Variants in MACROD2 observed in about 807,000 individuals in gnomAD.
MACROD2 encodes the protein ADP-ribose glycohydrolase MACROD2.
Under a neutral mutation model 70.4 loss-of-function variants are expected in MACROD2, and 36 were observed. The observed-to-expected ratio is 0.51, with a 90% CI of 0.39 to 0.68. The LOEUF is 0.68. Ranked by LOEUF, MACROD2 falls within the 30% of genes least tolerant of loss-of-function variation. MACROD2 has a pLI of 0.00. For missense variants in MACROD2, 496 were observed against 538.4 expected (o/e 0.92, Z 0.78); for synonymous variants, 172 against 178.8 (o/e 0.96, Z 0.30).
intron 4 of MACROD2, among the ~76,000 whole-genome samples, chr20:14,667,414 G>T (rs1051752167): frequency 6.6e-6 from 1 of 152,170 alleles, no homozygotes; most frequent in East Asian, 1.9e-4. Flanking sequence ...TTCTTGCCAA[G>T]TGTTACATTA....
chr20:14,046,585 C>T (rs2053478422), intron 2 of MACROD2, among the ~76,000 whole-genome samples: 1 of 152,010 alleles, frequency 6.6e-6, no homozygotes, highest in Non-Finnish European at 1.5e-5. Flanking sequence ...CTCTTTTGAC[C>T]ATGATATAAC....
At chr20:14,663,903 T>C (rs997332260) in intron 4 of MACROD2, among the ~76,000 whole-genome samples, 3 of 152,030 alleles carry the variant, frequency 2.0e-5, no homozygotes, top group Non-Finnish European at 4.4e-5. Flanking sequence ...GAAGAATTGT[T>C]TTCTCCTTAC....
At chr20:15,403,048 C>T (rs1208880612) in intron 6 of MACROD2, among the ~76,000 whole-genome samples, 1 of 151,838 alleles carries the variant, frequency 6.6e-6, no homozygotes, top group African/African-American at 2.4e-5. Context: ...CTCATTGCAA[C>T]CTCCACCTCC....
chr20:15,090,973 G>A (rs1177662392), intron 5 of MACROD2, among the ~76,000 whole-genome samples: 1 of 151,936 alleles, frequency 6.6e-6, no homozygotes, highest in African/African-American at 2.4e-5. Context: ...CCTAGACCTA[G>A]CATAATGAAG....
At chr20:16,011,249 C>G (rs910945422) in intron 15 of MACROD2, among the ~76,000 whole-genome samples, 1 of 152,208 alleles carries the variant, frequency 6.6e-6, no homozygotes, top group African/African-American at 2.4e-5. Context: ...GCTGTCAGCA[C>G]TCACTGACGG....
intron 5 of MACROD2, among the ~76,000 whole-genome samples, chr20:15,155,883 G>A (rs2076303694): frequency 1.3e-5 from 2 of 151,902 alleles, no homozygotes; most frequent in South Asian, 4.1e-4. Flanking sequence ...TGACCCAATG[G>A]CTTTTAGTGT....
chr20:14,790,169 A>C (rs1175574325), intron 5 of MACROD2, among the ~76,000 whole-genome samples: 1 of 152,144 alleles, frequency 6.6e-6, no homozygotes, highest in African/African-American at 2.4e-5. Flanking sequence ...TAGAAATAAA[A>C]ACTGCATGTA....
chr20:14,624,209 C>T (rs73260849), intron 4 of MACROD2, among the ~76,000 whole-genome samples: 4,023 of 152,198 alleles, frequency 0.026, 74 homozygotes, highest in Admixed American at 0.038. Context: ...TGAGGCATGC[C>T]GGGACAGCCT....
intron 5 of MACROD2, among the ~76,000 whole-genome samples, chr20:14,991,829 T>G (rs903989975): frequency 1.6e-4 from 24 of 152,184 alleles, no homozygotes; most frequent in African/African-American, 5.5e-4. Context: ...TAATTAATGC[T>G]CCAGGTCTAC....
chr20:15,308,467 T>C (rs982775739), intron 6 of MACROD2, among the ~76,000 whole-genome samples: 5 of 152,144 alleles, frequency 3.3e-5, no homozygotes, highest in Non-Finnish European at 5.9e-5. Flanking sequence ...AGATTAAGAG[T>C]AAATATATAA....
intron 4 of MACROD2, among the ~76,000 whole-genome samples, chr20:14,533,416 A>G (rs1600351234): frequency 6.6e-6 from 1 of 152,226 alleles, no homozygotes; most frequent in Admixed American, 6.5e-5. Flanking sequence ...ACATAGCCAC[A>G]TGACTTATGA....
chr20:15,699,636 A>T (rs2050427195), intron 8 of MACROD2, among the ~76,000 whole-genome samples: 1 of 152,120 alleles, frequency 6.6e-6, no homozygotes, highest in African/African-American at 2.4e-5. Flanking sequence ...TTCCAGGCGG[A>T]GGGTGAGACG....
intron 3 of MACROD2, among the ~76,000 whole-genome samples, chr20:14,356,521 T>C (rs1008617964): frequency 3.8e-4 from 45 of 119,012 alleles, no homozygotes; most frequent in East Asian, 8.6e-4. Flanking sequence ...TTTTTTTTTT[T>C]CGAGATGGAG....
chr20:14,268,120 A>C (rs564385443), intron 3 of MACROD2, among the ~76,000 whole-genome samples: 1 of 152,136 alleles, frequency 6.6e-6, no homozygotes, highest in Non-Finnish European at 1.5e-5. Context: ...AGATTTGTCC[A>C]TACTTGTTTC....
intron 6 of MACROD2, among the ~76,000 whole-genome samples, chr20:15,266,061 A>G (rs1018737116): frequency 6.6e-6 from 1 of 152,240 alleles, no homozygotes; most frequent in Admixed American, 6.5e-5. Context: ...TCAAAACCCC[A>G]ATCTTTACAT....
chr20:14,235,375 T>G (rs2081859547), intron 3 of MACROD2, among the ~76,000 whole-genome samples: 1 of 152,168 alleles, frequency 6.6e-6, no homozygotes, highest in Non-Finnish European at 1.5e-5. Context: ...ATTTTGTAGA[T>G]TATAAAACAG....
intron 8 of MACROD2, among the ~76,000 whole-genome samples, chr20:15,649,421 A>G (rs1306240136): frequency 6.6e-6 from 1 of 152,068 alleles, no homozygotes; most frequent in Non-Finnish European, 1.5e-5. Context: ...CAAACACAGT[A>G]AAGACCATGC....
chr20:15,526,958 T>A (rs1351160233), intron 8 of MACROD2, among the ~76,000 whole-genome samples: 2 of 152,232 alleles, frequency 1.3e-5, no homozygotes, highest in South Asian at 4.1e-4. Flanking sequence ...CTAGCAAGTA[T>A]CTCACCACGT....
At chr20:15,688,983 G>A (rs888534088) in intron 8 of MACROD2, among the ~76,000 whole-genome samples, 2 of 152,182 alleles carry the variant, frequency 1.3e-5, no homozygotes, top group South Asian at 2.1e-4. Context: ...CAGTCATTTC[G>A]CTGGATACTA....
Sources: gnomAD v4.1 joint callset for allele counts (sites outside exome capture counted in the v4.1 genomes callset) on GRCh38, gnomAD v4.1.1 for gene constraint, MANE v1.5 for transcripts, NCBI Gene and HGNC (gene_info 2026-07-23, HGNC 2026-07-21) for gene names.